The following AMBRA1 variants were observed in gnomAD, a reference collection of about 807,000 sequenced individuals.
The protein encoded by AMBRA1 is activating molecule in BECN1-regulated autophagy protein 1.
AMBRA1 carries 47 observed loss-of-function variants against 125.4 expected under a neutral mutation model. The ratio of observed to expected loss-of-function variants is 0.37; its 90% CI spans 0.30 to 0.48. The LOEUF (loss-of-function observed/expected upper bound fraction) is 0.48. AMBRA1 is among the 20% of genes least tolerant of loss of function. The pLI, the probability that AMBRA1 is intolerant of heterozygous loss-of-function variation, is 0.99. For synonymous variants in AMBRA1, 626 were observed against 655.5 expected, an observed-to-expected ratio of 0.95 and a Z score of 0.69; for missense variants, 1,331 against 1,693.4, an observed-to-expected ratio of 0.79 and a Z score of 3.76.
At chr11:46,476,300 G>A (rs1254752992) in intron 11 of AMBRA1, among the ~76,000 whole-genome samples, 1 of 152,204 alleles carries the variant, frequency 6.6e-6, no homozygotes, top group Non-Finnish European at 1.5e-5. Context: ...GTTGGCAGGT[G>A]AACGAGTAGG....
intron 7 of AMBRA1, among the ~76,000 whole-genome samples, chr11:46,519,466 C>T (rs747321994): frequency 6.6e-6 from 1 of 152,180 alleles, no homozygotes; most frequent in Non-Finnish European, 1.5e-5. Context: ...GTTGTCAGAT[C>T]ACAGAGAAAA....
Position 46,542,695 on chromosome 11 carries a change from C to A in AMBRA1, c.1322G>T (p.Ser441Ile), listed in dbSNP as rs748429104. 7.4e-6 allele frequency: 12 copies of A among 1,614,064 alleles called. No homozygotes were observed. The highest frequency in any genetic ancestry group is 8.5e-6 in the Non-Finnish European group (10 of 1,180,044). The change falls in exon 7 of 18, where the codon AGT becomes ATT. Residue 441 changes from serine to isoleucine, a missense_variant. Transcript: ENST00000683756. The surrounding 1 kb of genome is among the most constrained non-coding windows in gnomAD (Gnocchi z 5.9). ...EAESMPPPRT[S>I]ASSVSLLSVL... ...AGACAGCAAACTCACCGAAGAGGCA[C>A]TGGTTCTGGGCGGGGGCATGGATTC...
intron 11 of AMBRA1, among the ~76,000 whole-genome samples, chr11:46,457,762 T>G (rs964155253): frequency 1.3e-5 from 2 of 151,974 alleles, no homozygotes; most frequent in Non-Finnish European, 2.9e-5. Context: ...ATGAACCAGG[T>G]GTGGTGGTGC....
chr11:46,531,331 A>G (rs1952208274), intron 7 of AMBRA1, among the ~76,000 whole-genome samples: 1 of 152,232 alleles, frequency 6.6e-6, no homozygotes, highest in Non-Finnish European at 1.5e-5. Context: ...CCTGATATAG[A>G]GGGTAGGGCA....
intron 1 of AMBRA1, among the ~76,000 whole-genome samples, chr11:46,566,321 G>A (rs2135257116): frequency 6.6e-6 from 1 of 152,176 alleles, no homozygotes; most frequent in African/African-American, 2.4e-5. Context: ...GGGCGGCTGA[G>A]GCAGGAGAAT....
At chr11:46,413,740 C>T (rs954836333) in intron 15 of AMBRA1, among the ~76,000 whole-genome samples, 5 of 152,254 alleles carry the variant, frequency 3.3e-5, no homozygotes, top group Admixed American at 2.6e-4. Context: ...ATCTGCCTGC[C>T]TCAGCCTCCC....
At position 46,586,244 on chromosome 11, in the gene AMBRA1, AAAAG is replaced by A. The variant is rs1183996346; in HGVS notation, c.-121+7580_-121+7583del. 2.0e-5 allele frequency among the ~76,000 whole-genome samples: 3 copies of A among 152,264 alleles called. No individual in the cohort carries two copies. In the East Asian group the frequency reaches 5.8e-4, roughly 29 times the overall value. On this transcript the variant is annotated intron_variant, in intron 1 of 17. Transcript: ENST00000683756. ...AACATGGCAAAACTCTGACTCTACT[AAAAG>A]AAATACAAAAATTAGCCAGGTGTGG...
intron 1 of AMBRA1, among the ~76,000 whole-genome samples, chr11:46,573,350 G>A (rs2135282884): frequency 6.6e-6 from 1 of 151,782 alleles, no homozygotes; most frequent in African/African-American, 2.4e-5. Flanking sequence ...GTTGCAGTGA[G>A]CCGAGATCAA....
In AMBRA1 at chr11:46,545,817, T is replaced by C; in HGVS notation, c.379-41A>G. ...TTCCAGATATTCTCAGGTTACAAGC[T>C]ACCAGCACACTGGGAAGTCAATTTC... On this transcript the variant is annotated intron_variant, in intron 4 of 17. Transcript: ENST00000683756. The C allele has an allele frequency of 1.3e-6, 2 of 1,597,792 alleles. 1 individual carries two copies. Among genetic ancestry groups the C allele is most frequent in the Middle Eastern group, 3.3e-4 (2 of 5,998 alleles).
intron 1 of AMBRA1, among the ~76,000 whole-genome samples, chr11:46,557,398 A>C (rs1389117822): frequency 6.6e-6 from 1 of 152,198 alleles, no homozygotes; most frequent in Non-Finnish European, 1.5e-5. Flanking sequence ...CCCTGTAAAC[A>C]GTCAGACAAA....
At chr11:46,524,609 T>C (rs906961497) in intron 7 of AMBRA1, among the ~76,000 whole-genome samples, 1 of 152,160 alleles carries the variant, frequency 6.6e-6, no homozygotes, top group African/African-American at 2.4e-5. Context: ...TGCTTCCACA[T>C]TTGAGGGGAA....
intron 17 of AMBRA1, 24 bp downstream of exon 17, chr11:46,408,489 C>G (rs995230718): frequency 2.0e-6 from 3 of 1,493,274 alleles, no homozygotes; most frequent in Admixed American, 2.2e-5. Context: ...TCTCCCACCC[C>G]CTCCAGCGCC....
chr11:46,510,257 A>T (rs61882716), intron 8 of AMBRA1, among the ~76,000 whole-genome samples: 3,183 of 152,330 alleles, frequency 0.021, 46 homozygotes, highest in Non-Finnish European at 0.032. Context: ...TAAAAGCCTC[A>T]ACTGGAGGAA....
intron 11 of AMBRA1, among the ~76,000 whole-genome samples, chr11:46,445,449 C>G (rs1028235648): frequency 1.3e-5 from 2 of 152,084 alleles, no homozygotes; most frequent in Non-Finnish European, 2.9e-5. Flanking sequence ...TAAATATATA[C>G]CCTTGCTTTA....
intron 9 of AMBRA1, among the ~76,000 whole-genome samples, chr11:46,501,125 C>T (rs959107366): frequency 1.3e-5 from 2 of 152,188 alleles, no homozygotes; most frequent in African/African-American, 4.8e-5. Context: ...TTTCTATGAC[C>T]ATGCATTTAC....
At chr11:46,399,854 T>C (rs1430371976) in intron 17 of AMBRA1, among the ~76,000 whole-genome samples, 1 of 152,176 alleles carries the variant, frequency 6.6e-6, no homozygotes, top group Non-Finnish European at 1.5e-5. Context: ...GAAGGATCTG[T>C]CCGCCACTCC....
intron 7 of AMBRA1, among the ~76,000 whole-genome samples, chr11:46,525,934 G>A (rs1425022975): frequency 2.6e-5 from 4 of 151,832 alleles, no homozygotes; most frequent in South Asian, 2.1e-4. Flanking sequence ...GGCTAGGTGC[G>A]GTGGCTCACA....
intron 17 of AMBRA1, among the ~76,000 whole-genome samples, chr11:46,403,026 G>A (rs1254445632): frequency 2.6e-5 from 4 of 152,178 alleles, no homozygotes; most frequent in African/African-American, 9.7e-5. Flanking sequence ...CAGACAGGGG[G>A]TTAATTCTGC....
rs1372279605 is a variant in AMBRA1 at position 46,450,919 on chromosome 11, T to C, written c.2522-7321A>G. Among the ~76,000 whole-genome samples, 2 of 152,164 alleles carry C rather than the reference T, an allele frequency of 1.3e-5. 1 individual carries two copies. Among genetic ancestry groups the C allele is most frequent in the East Asian group, 3.8e-4 (2 of 5,196 alleles). The stretch of plus-strand genomic sequence containing the variant: ...GTTGGTTCATCAGCTGCAGCAAATG[T>C]ACCACACTGGTGTGGACAGTGGGGA... On this transcript the variant is annotated intron_variant, in intron 11 of 17. Transcript: ENST00000683756.
Sources: gnomAD v4.1 joint callset for allele counts (sites outside exome capture counted in the v4.1 genomes callset) on GRCh38, gnomAD v4.1.1 for gene constraint, Gnocchi (gnomAD v3.1) non-coding constraint, MANE v1.5 for transcripts, NCBI Gene and HGNC (gene_info 2026-07-23, HGNC 2026-07-21) for gene names.